ZNF423: variants seen among roughly 807,000 people sequenced by gnomAD.
The protein encoded by ZNF423 is Ebf-associated zinc finger protein.
A neutral mutation model predicts 95.8 loss-of-function variants in ZNF423; 12 were observed. The ratio of observed to expected loss-of-function variants is 0.13; its 90% confidence interval spans 0.08 to 0.20. ZNF423 has a LOEUF of 0.20. Ranked by LOEUF, ZNF423 falls within the 10% of genes least tolerant of loss-of-function variation. The pLI is 1.00. For missense variants in ZNF423, 1,316 were observed against 1,737.1 expected (o/e 0.76, Z 4.31); for synonymous variants, 749 against 711.9 (o/e 1.05, Z -0.83).
intron 5 of ZNF423, among the ~76,000 whole-genome samples, chr16:49,576,195 C>G (rs1243717826): frequency 3.3e-5 from 5 of 152,232 alleles, no homozygotes; most frequent in Non-Finnish European, 7.3e-5. Context: ...TTTCCTGCTG[C>G]CCGCATTGAC....
intron 3 of ZNF423, among the ~76,000 whole-genome samples, chr16:49,646,574 C>CTTTTTCTTTTT (rs1973179013): frequency 8.5e-6 from 1 of 118,010 alleles, no homozygotes; most frequent in African/African-American, 3.0e-5. Flanking sequence ...TTTTCTTTTT[C>CTTTTTCTTTTT]TTTTTTTTTT....
chr16:49,794,863 G>A (rs767401730), intron 1 of ZNF423, among the ~76,000 whole-genome samples: 5 of 152,148 alleles, frequency 3.3e-5, no homozygotes, highest in Non-Finnish European at 5.9e-5. Context: ...ATAGTAGCAG[G>A]TGCTCAACAA....
At chr16:49,781,340 C>T (rs1195694291) in intron 2 of ZNF423, among the ~76,000 whole-genome samples, 2 of 152,144 alleles carry the variant, frequency 1.3e-5, no homozygotes, top group Non-Finnish European at 2.9e-5. Context: ...TCATGCCCAT[C>T]CACTCAAGGG....
chr16:49,514,417 AG>A (rs201920265), intron 7 of ZNF423, among the ~76,000 whole-genome samples: 1,768 of 152,198 alleles, frequency 0.012, 36 homozygotes, highest in African/African-American at 0.039. Context: ...GTTCTGTCTC[AG>A]GCTCCTGAGG....
intron 4 of ZNF423, among the ~76,000 whole-genome samples, chr16:49,632,443 C>T (rs973346498): frequency 2.6e-5 from 4 of 152,126 alleles, no homozygotes; most frequent in African/African-American, 9.6e-5. Context: ...CAGAGAATGC[C>T]GCCTTGCCTG....
At chr16:49,845,408 T>A (rs1166704915) in intron 1 of ZNF423, among the ~76,000 whole-genome samples, 3 of 151,840 alleles carry the variant, frequency 2.0e-5, no homozygotes, top group African/African-American at 7.3e-5. Context: ...CCCAGCAATT[T>A]TTTTTTTTTA....
At chr16:49,837,383 C>T (rs1329894434) in intron 1 of ZNF423, among the ~76,000 whole-genome samples, 1 of 152,196 alleles carries the variant, frequency 6.6e-6, no homozygotes, top group African/African-American at 2.4e-5. Flanking sequence ...CCACAACCTA[C>T]TCCCTGGAAA....
At chr16:49,613,882 C>G (rs1971797587) in intron 5 of ZNF423, among the ~76,000 whole-genome samples, 1 of 143,124 alleles carries the variant, frequency 7.0e-6, no homozygotes, top group Non-Finnish European at 1.5e-5. Flanking sequence ...AACTATAAAA[C>G]TTTCAGGAAA....
intron 7 of ZNF423, among the ~76,000 whole-genome samples, chr16:49,501,924 G>A (rs1190509996): frequency 6.6e-6 from 1 of 152,108 alleles, no homozygotes; most frequent in Non-Finnish European, 1.5e-5. Context: ...CAACCTATGA[G>A]GTACTATGTT....
At chr16:49,700,506 G>A (rs2032143159) in intron 3 of ZNF423, among the ~76,000 whole-genome samples, 1 of 152,200 alleles carries the variant, frequency 6.6e-6, no homozygotes, top group African/African-American at 2.4e-5. Flanking sequence ...GAATACAGGG[G>A]GCCGTTCCTT....
At chr16:49,829,687 G>T (rs2035042105) in intron 1 of ZNF423, among the ~76,000 whole-genome samples, 1 of 152,108 alleles carries the variant, frequency 6.6e-6, no homozygotes, top group Admixed American at 6.5e-5. Context: ...TTTCACAGAA[G>T]TGGCCCTTGG....
chr16:49,633,867 C>G (rs560564598), intron 4 of ZNF423, among the ~76,000 whole-genome samples: 1 of 152,230 alleles, frequency 6.6e-6, no homozygotes, highest in Middle Eastern at 3.4e-3. Flanking sequence ...ACTCCAGGCC[C>G]CAGCCAGACA....
intron 5 of ZNF423, among the ~76,000 whole-genome samples, chr16:49,530,914 A>G (rs1000826924): frequency 6.6e-6 from 1 of 152,228 alleles, no homozygotes; most frequent in Non-Finnish European, 1.5e-5. Context: ...AACAGCCACA[A>G]GACCTAAAAC....
chr16:49,663,402 C>A (rs2030350783), intron 3 of ZNF423, among the ~76,000 whole-genome samples: 1 of 152,254 alleles, frequency 6.6e-6, no homozygotes, highest in South Asian at 2.1e-4. Context: ...AGCCCACCCC[C>A]CTCGAGGCCC....
intron 5 of ZNF423, among the ~76,000 whole-genome samples, chr16:49,598,980 G>T (rs1197498716): frequency 7.2e-5 from 11 of 152,180 alleles, no homozygotes; most frequent in Non-Finnish European, 1.5e-4. Flanking sequence ...GGAATGAAAG[G>T]CTACATGGTT....
At chr16:49,718,809 G>A (rs185265489) in intron 3 of ZNF423, among the ~76,000 whole-genome samples, 28 of 152,240 alleles carry the variant, frequency 1.8e-4, no homozygotes, top group Admixed American at 1.8e-3. Context: ...CATTCTTCCA[G>A]AGCCTTCATG....
chr16:49,528,790 C>T (rs901025793), intron 5 of ZNF423, among the ~76,000 whole-genome samples: 14 of 139,350 alleles, frequency 1.0e-4, no homozygotes, highest in East Asian at 4.8e-4. Flanking sequence ...GTGGAGAGGG[C>T]GGGGAGGGGC....
At chr16:49,565,496 C>G (rs936942496) in intron 5 of ZNF423, among the ~76,000 whole-genome samples, 2 of 152,186 alleles carry the variant, frequency 1.3e-5, no homozygotes, top group Non-Finnish European at 2.9e-5. Context: ...TGCCACTTCC[C>G]TTTGATTCTC....
intron 2 of ZNF423, among the ~76,000 whole-genome samples, chr16:49,733,212 A>AT (rs921574790): frequency 5.5e-4 from 62 of 113,088 alleles, no homozygotes; most frequent in Non-Finnish European, 9.5e-4. Flanking sequence ...TCTTTCCTTA[A>AT]TAAAAAAAAA....
Sources: allele counts gnomAD v4.1 joint callset (sites outside exome capture counted in the v4.1 genomes callset), GRCh38; gene constraint gnomAD v4.1.1; transcripts MANE v1.5; gene names NCBI Gene and HGNC (gene_info 2026-07-23, HGNC 2026-07-21).